Variants in FN1 observed in about 807,000 individuals in gnomAD.
The protein encoded by FN1 is fibronectin.
A neutral mutation model predicts 297.3 loss-of-function variants in FN1; 106 were observed. That is an observed-to-expected ratio of 0.36 (90% CI 0.30 to 0.42). FN1 has a LOEUF of 0.42. Among genes scored for constraint, FN1 ranks in the 10% least tolerant of loss-of-function variants. The pLI is 1.00. For synonymous variants in FN1, 1,149 were observed against 1,152.6 expected (o/e 1.00, Z 0.06); for missense variants, 2,690 against 3,124.9 (o/e 0.86, Z 3.32).
In FN1 at chr2:215,410,048, C is replaced by T; in HGVS notation, c.2008G>A (p.Gly670Ser). ...TCGTATACCACACCAGGCTTCAGGCCTTTGATGGTGTAGGAGTTTAAGTGG... is the reference window on the plus strand; with the variant it reads ...TCGTATACCACACCAGGCTTCAGGCTTTTGATGGTGTAGGAGTTTAAGTGG... ...PGHLNSYTIK[G>S]LKPGVVYEGQ... The change falls in exon 14 of 46, where the codon GGC (glycine) becomes AGC (serine). Residue 670 changes from glycine (G) to serine (S), a missense_variant. By Grantham distance (56) the Gly-to-Ser change is moderately conservative. This residue lies in a region of FN1 where 876 missense variants were observed against 1,058.1 expected (regional missense o/e 0.83). Transcript: ENST00000354785. The T allele has an allele frequency of 6.2e-7, 1 of 1,613,922 alleles. No individual in the cohort carries two copies. Among genetic ancestry groups the T allele is most frequent in the Non-Finnish European group, 8.5e-7 (1 of 1,180,004 alleles).
intron 41 of FN1, among the ~76,000 whole-genome samples, chr2:215,369,622 C>T (rs1289260210): frequency 6.6e-6 from 1 of 152,080 alleles, no homozygotes; most frequent in Non-Finnish European, 1.5e-5. Flanking sequence ...TTTTCAGCTG[C>T]TGCAAATTGA....
At chr2:215,434,418 T>C (rs569366242) in intron 2 of FN1, among the ~76,000 whole-genome samples, 15 of 150,116 alleles carry the variant, frequency 1.0e-4, no homozygotes, top group African/African-American at 3.4e-4. Context: ...ATTTTTTTTG[T>C]CGGAGGACAC....
intron 16 of FN1, 36 bp from the exon 17 acceptor site, chr2:215,408,233 A>G (rs550818129): frequency 6.2e-7 from 1 of 1,613,408 alleles, no homozygotes; most frequent in African/African-American, 1.3e-5. Flanking sequence ...ACAGTCAGGA[A>G]GTGCTACTAC....
chr2:215,414,679 T>C, intron 13 of FN1, 158 bp downstream of exon 13: 1 of 1,409,630 alleles, frequency 7.1e-7, no homozygotes. Context: ...CAAGTCAATT[T>C]AATTGACCAC....
intron 35 of FN1, among the ~76,000 whole-genome samples, chr2:215,377,056 GTA>G (rs1338761809): frequency 7.0e-5 from 8 of 114,852 alleles, no homozygotes; most frequent in South Asian, 5.8e-4. Context: ...GTGTGTGTGT[GTA>G]TGTGTGTGTG....
chr2:215,366,412 G>A (rs996160873), intron 42 of FN1, among the ~76,000 whole-genome samples: 2 of 152,052 alleles, frequency 1.3e-5, no homozygotes, highest in African/African-American at 2.4e-5. Context: ...ATCTCTACAC[G>A]CCACCACCTG....
In FN1 at chr2:215,422,186, C is replaced by T; in HGVS notation, c.1451G>A (p.Trp484Ter). The change falls in exon 10 of 46, where the codon TGG becomes TAG. Residue 484 changes from tryptophan to a stop codon, truncating the protein, a stop_gained. Transcript: ENST00000354785. LOFTEE classifies it high-confidence loss of function. Reference sequence around the variant, plus strand: ...GTGACCCATGTCATGCTGCTTATCCCACTGATCTCCAATGCGGTACATGAC... The same window carrying T: ...GTGACCCATGTCATGCTGCTTATCCTACTGATCTCCAATGCGGTACATGAC... The part of the protein sequence containing the change: ...EGVMYRIGDQ[W>*]DKQHDMGHMM... 1 of 1,614,144 alleles carries T rather than the reference C, an allele frequency of 6.2e-7. No individual in the cohort carries two copies. Among genetic ancestry groups the T allele is most frequent in the Admixed American group, 1.7e-5 (1 of 60,024 alleles).
intron 13 of FN1, 48 bp downstream of exon 13, chr2:215,414,788 GA>G: frequency 6.2e-7 from 1 of 1,611,732 alleles, no homozygotes; most frequent in Non-Finnish European, 8.5e-7. Context: ...CATCAGAATT[GA>G]TAAGATTAGG....
chr2:215,379,222 G>T lies in FN1; in HGVS notation c.5530C>A (p.Arg1844=). The T allele has an allele frequency of 1.2e-6, 2 of 1,614,016 alleles. No homozygotes were observed. The highest frequency in any genetic ancestry group is 8.5e-7 in the Non-Finnish European group (1 of 1,179,988). The change falls in exon 34 of 46, where the codon CGA becomes AGA. Residue 1844 remains arginine (R), a synonymous_variant. Coordinates refer to ENST00000354785, the MANE Select transcript of FN1 (RefSeq NM_212482.4). The part of the protein sequence containing the change: ...TPPNVQLTGY[R]VRVTPKEKTG... The stretch of plus-strand genomic sequence containing the variant: ...TTCTCCTTGGGGGTCACCCGCACTC[G>T]ATATCCAGTGAGCTGAACATTGGGT...
At chr2:215,362,113 T>G in intron 44 of FN1, 34 bp from the exon 45 acceptor site, 3 of 1,506,090 alleles carry the variant, frequency 2.0e-6, no homozygotes, top group Non-Finnish European at 2.8e-6. Flanking sequence ...CAAATGGGGT[T>G]TATGATAACC....
Position 215,393,104 on chromosome 2 carries a change from C to T in FN1, c.3896G>A (p.Arg1299His), listed in dbSNP as rs1263410274. Residue 1299 changes from arginine (R) to histidine (H), a missense_variant, in exon 25 of 46, where the codon CGC becomes CAC. Physicochemically the swap from Arg to His is conservative, Grantham distance 29 (BLOSUM62 0). Around this residue, in one of 3 missense-constraint regions of FN1, gnomAD observed 1,743 missense variants for 1,945.2 expected, o/e 0.90. Transcript: ENST00000354785. ...TTCTCCTGCCGCAACTACTGTGATG[C>T]GGTACCCAATAATGGTGGAAGAGTT... is the stretch of plus-strand genomic sequence containing the variant. ...PLNSSTIIGY[R>H]ITVVAAGEGI... The T allele has an allele frequency of 5.0e-6, 8 of 1,613,864 alleles. 1 individual carries two copies. Among genetic ancestry groups the T allele is most frequent in the African/African-American group, 1.3e-5 (1 of 74,848 alleles).
chr2:215,411,663 T>C (rs1298795646), intron 13 of FN1, among the ~76,000 whole-genome samples: 1 of 127,166 alleles, frequency 7.9e-6, no homozygotes, highest in African/African-American at 2.7e-5. Flanking sequence ...CAATTCAATG[T>C]ACTTTTTTTT....
chr2:215,426,357 C>T (rs888070844), intron 6 of FN1, among the ~76,000 whole-genome samples: 24 of 151,882 alleles, frequency 1.6e-4, no homozygotes, highest in Non-Finnish European at 2.5e-4. Flanking sequence ...ACCGTGTTAG[C>T]CAGGATGGTC....
At chr2:215,394,408 G>A (rs2060063090) in intron 24 of FN1, 120 bp downstream of exon 24, 1 of 904,658 alleles carries the variant, frequency 1.1e-6, no homozygotes, top group Non-Finnish European at 1.8e-6. Context: ...AAGTGCAGCT[G>A]GGAGATCGGA....
Position 215,408,171 on chromosome 2 carries a change from C to G in FN1, c.2455G>C (p.Val819Leu). ...ATTGAGGTGTCATCAACTTGGTCCA[C>G]AGTCGTGTCAGGAGGGGCATCAGGC... Reference protein sequence around the residue: ...TAPDAPPDTTVDQVDDTSIVV... With the variant: ...TAPDAPPDTTLDQVDDTSIVV... Residue 819 changes from valine to leucine, a missense_variant, in exon 17 of 46, where the codon GTG becomes CTG. Physicochemically the swap from Val to Leu is conservative, Grantham distance 32. Coordinates refer to ENST00000354785, the MANE Select transcript of FN1 (RefSeq NM_212482.4). 1 of 1,614,074 alleles carries G rather than the reference C, an allele frequency of 6.2e-7. No individual in the cohort carries two copies. The highest frequency in any genetic ancestry group is 1.1e-5 in the South Asian group (1 of 91,074).
chr2:215,406,223 TAGG>T lies in FN1; in HGVS notation c.2986+12_2986+14del, dbSNP rs769129075. 2 of 1,613,350 alleles carry T rather than the reference TAGG, an allele frequency of 1.2e-6. No homozygotes were observed. The highest frequency in any genetic ancestry group is 1.7e-6 in the Non-Finnish European group (2 of 1,179,276). ...GGAGAATTTGGAGGGGAGATAGAGA[TAGG>T]AGAAGACATACTGGTTGTCTGTTGA... On this transcript the variant is annotated intron_variant, in intron 19 of 45. Coordinates refer to ENST00000354785, the MANE Select transcript of FN1 (RefSeq NM_212482.4).
intron 20 of FN1, among the ~76,000 whole-genome samples, chr2:215,399,885 T>C (rs1387082814): frequency 6.6e-6 from 1 of 152,136 alleles, no homozygotes; most frequent in Non-Finnish European, 1.5e-5. Context: ...TAGAAGGTGA[T>C]CTAAAAACAG....
chr2:215,420,888 T>A, intron 10 of FN1, 87 bp from the exon 11 acceptor site: 2 of 1,160,060 alleles, frequency 1.7e-6, no homozygotes, highest in Non-Finnish European at 2.6e-6. Flanking sequence ...AGCATACAAC[T>A]ACTTCCACTT....
At chr2:215,385,894 C>T (rs1037944447) in intron 28 of FN1, among the ~76,000 whole-genome samples, 3 of 151,054 alleles carry the variant, frequency 2.0e-5, no homozygotes, top group African/African-American at 7.3e-5. Flanking sequence ...TCTCCTGCCT[C>T]AGCCTCCTGA....
Sources: gnomAD v4.1 joint callset for allele counts (sites outside exome capture counted in the v4.1 genomes callset) on GRCh38, gnomAD v4.1.1 for gene constraint, gnomAD v4.1.1 regional missense constraint, MANE v1.5 for transcripts, NCBI Gene and HGNC (gene_info 2026-07-23, HGNC 2026-07-21) for gene names.